LY75: variants seen among roughly 807,000 people sequenced by gnomAD.
LY75 encodes the protein C-type lectin domain family 13 member B.
LY75 carries 185 observed loss-of-function variants against 231.7 expected under a neutral mutation model. The observed-to-expected ratio is 0.80, with a 90% CI of 0.71 to 0.90. The LOEUF is 0.90. Ranked by LOEUF, LY75 falls within the 40% of genes least tolerant of loss-of-function variation. The probability of loss-of-function intolerance (pLI) is 0.00; values close to 1 mark genes in which losing one functional copy is unlikely to be tolerated. For synonymous variants in LY75, 668 were observed against 689.0 expected, an observed-to-expected ratio of 0.97 and a Z score of 0.48; for missense variants, 1,947 against 2,050.2, an observed-to-expected ratio of 0.95 and a Z score of 0.97.
At chr2:159,842,100 G>T in intron 24 of LY75, 145 bp downstream of exon 24, 1 of 971,062 alleles carries the variant, frequency 1.0e-6, no homozygotes, top group Non-Finnish European at 1.4e-6. Flanking sequence ...ATGGTGTATT[G>T]GACCCAGGTG....
rs559818296 is a variant in LY75 at position 159,806,183 on chromosome 2, T to C, written c.4990+790A>G. Among the ~76,000 whole-genome samples the C allele has an allele frequency of 5.9e-5, 9 of 152,312 alleles. 2 individuals are homozygous for C. In the South Asian group the frequency reaches 1.9e-3, roughly 32 times the overall value. On this transcript the variant is annotated intron_variant, in intron 34 of 34. Coordinates refer to ENST00000263636, the MANE Select transcript of LY75 (RefSeq NM_002349.4). ...TTGATATTTTCCTCTCTTTAAAAAATTGACCTGTTTACTTATCTTTCTTCA... is the reference window on the plus strand; with the variant it reads ...TTGATATTTTCCTCTCTTTAAAAAACTGACCTGTTTACTTATCTTTCTTCA...
intron 2 of LY75, among the ~76,000 whole-genome samples, chr2:159,898,356 ATTCCTTTCCTCTAGGGT>A (rs146899149): frequency 2.4e-4 from 36 of 151,568 alleles, no homozygotes; most frequent in Non-Finnish European, 7.4e-5. Flanking sequence ...AAATCTAATG[ATTCCTTTCCTCTAGGGT>A]TTCCTTTCCT....
Position 159,829,914 on chromosome 2 carries a change from C to G in LY75, c.3958+1756G>C, listed in dbSNP as rs1008384591. Reference sequence around the variant, plus strand: ...TCTGATAATATAACTACAAAGTATACCAAAGGGTACAATTTCAATCTCTCT... The same window carrying G: ...TCTGATAATATAACTACAAAGTATAGCAAAGGGTACAATTTCAATCTCTCT... On this transcript the variant is annotated intron_variant, in intron 28 of 34. Transcript: ENST00000263636. 4.1e-4 allele frequency among the ~76,000 whole-genome samples: 63 copies of G among 152,198 alleles called. 1 individual carries two copies. Among genetic ancestry groups the G allele is most frequent in the African/African-American group, 1.2e-3 (51 of 41,536 alleles).
chr2:159,894,757 G>A (rs1432636142), intron 2 of LY75, among the ~76,000 whole-genome samples: 5 of 152,204 alleles, frequency 3.3e-5, no homozygotes, highest in African/African-American at 4.8e-5. Context: ...GTGACCGGCG[G>A]GGGGCCAGTG....
At chr2:159,813,394 G>A (rs1683025048) in intron 31 of LY75, among the ~76,000 whole-genome samples, 2 of 148,648 alleles carry the variant, frequency 1.3e-5, no homozygotes, top group Non-Finnish European at 1.5e-5. Context: ...TCCTTGGGCT[G>A]CCATAATAAA....
intron 31 of LY75, 56 bp from the exon 32 acceptor site, chr2:159,810,731 C>T (rs1338464974): frequency 2.5e-6 from 4 of 1,592,522 alleles, no homozygotes; most frequent in Non-Finnish European, 3.4e-6. Context: ...GACTGCCTTT[C>T]AAAATCTACT....
chr2:159,872,711 A>T, intron 12 of LY75, 118 bp from the exon 13 acceptor site: 1 of 1,168,062 alleles, frequency 8.6e-7, no homozygotes. Context: ...AGGTGTAGTG[A>T]AGGCATAGGT....
intron 18 of LY75, 33 bp downstream of exon 18, chr2:159,854,327 G>A (rs1388770257): frequency 7.9e-7 from 1 of 1,262,582 alleles, no homozygotes; most frequent in African/African-American, 1.6e-5. Flanking sequence ...ACAAAAATAA[G>A]AAATATATTT....
chr2:159,854,815 GAGA>G, intron 17 of LY75, 86 bp downstream of exon 17: 2 of 1,540,960 alleles, frequency 1.3e-6, no homozygotes, highest in Non-Finnish European at 1.8e-6. Context: ...AAGATGTATA[GAGA>G]AGAAGCTGGC....
chr2:159,849,857 G>A, intron 23 of LY75, 123 bp downstream of exon 23: 3 of 1,275,864 alleles, frequency 2.4e-6, no homozygotes, highest in Non-Finnish European at 3.2e-6. Flanking sequence ...TCTTAGATGT[G>A]CCTATTCTGG....
rs1189928141 is a variant in LY75 at position 159,805,239 on chromosome 2, T to C, written c.4991-17A>G. The C allele has an allele frequency of 6.2e-7, 1 of 1,606,456 alleles. No homozygotes were observed. Among genetic ancestry groups the C allele is most frequent in the Admixed American group, 1.7e-5 (1 of 59,696 alleles). On this transcript the variant is annotated splice_polypyrimidine_tract_variant and intron_variant, in intron 34 of 34. Transcript: ENST00000263636. The stretch of plus-strand genomic sequence containing the variant: ...AATCAGGGCCTGGAACAGGAAAAGG[T>C]TTGATGTTGGAGGAGAGAATACAAA...
At chr2:159,829,834 G>T (rs1341968572) in intron 28 of LY75, among the ~76,000 whole-genome samples, 1 of 152,110 alleles carries the variant, frequency 6.6e-6, no homozygotes, top group Non-Finnish European at 1.5e-5. Flanking sequence ...AACAATAAGG[G>T]AGTCTTCTGA....
intron 15 of LY75, 102 bp downstream of exon 15, chr2:159,860,719 A>T: frequency 7.1e-7 from 1 of 1,409,096 alleles, no homozygotes; most frequent in Non-Finnish European, 9.9e-7. Context: ...TGCATCTAAC[A>T]TCATGCTTCA....
intron 13 of LY75, among the ~76,000 whole-genome samples, chr2:159,870,844 T>G (rs566860924): frequency 2.6e-5 from 4 of 152,088 alleles, no homozygotes; most frequent in Non-Finnish European, 5.9e-5. Flanking sequence ...ACTCAAAATC[T>G]TACTTCCTAG....
chr2:159,825,199 A>G (rs961883540), intron 28 of LY75, among the ~76,000 whole-genome samples: 1 of 152,180 alleles, frequency 6.6e-6, no homozygotes, highest in Non-Finnish European at 1.5e-5. Context: ...AATAAAATAG[A>G]TAGACCACTA....
At chr2:159,904,144 G>A (rs560481924) in intron 1 of LY75, among the ~76,000 whole-genome samples, 3 of 152,382 alleles carry the variant, frequency 2.0e-5, no homozygotes, top group Non-Finnish European at 2.9e-5. Flanking sequence ...CCTTGGCGCT[G>A]TGGGTGGAGG....
chr2:159,815,651 T>C, intron 30 of LY75, 78 bp from the exon 31 acceptor site: 1 of 1,470,570 alleles, frequency 6.8e-7, no homozygotes. Flanking sequence ...CATACATACT[T>C]TAAGAAATAT....
chr2:159,898,937 G>C lies in LY75; in HGVS notation c.217C>G (p.His73Asp). 6.2e-7 allele frequency: 1 copy of C among 1,614,250 alleles called. No homozygotes were observed. Among genetic ancestry groups the C allele is most frequent in the Non-Finnish European group, 8.5e-7 (1 of 1,180,040 alleles). ...TGGGAGTGCAAATGAAAGAGCCGAT[G>C]CTGGGACACCCACTTCCATAACTTG... is the stretch of plus-strand genomic sequence containing the variant. The part of the protein sequence containing the change: ...EDKLWKWVSQ[H>D]RLFHLHSQKC... The change falls in exon 2 of 35, where the codon CAT becomes GAT. Residue 73 changes from histidine to aspartate, a missense_variant. Coordinates refer to ENST00000263636, the MANE Select transcript of LY75 (RefSeq NM_002349.4).
intron 1 of LY75, among the ~76,000 whole-genome samples, chr2:159,900,400 G>A (rs1020996548): frequency 6.6e-6 from 1 of 152,194 alleles, no homozygotes; most frequent in Non-Finnish European, 1.5e-5. Flanking sequence ...AAATCATGTT[G>A]ATAAGAGTAA....
Sources: gnomAD v4.1 joint callset for allele counts (sites outside exome capture counted in the v4.1 genomes callset) on GRCh38, gnomAD v4.1.1 for gene constraint, MANE v1.5 for transcripts, NCBI Gene and HGNC (gene_info 2026-07-23, HGNC 2026-07-21) for gene names.